The following TENM3 variants were observed in gnomAD, a reference collection of about 807,000 sequenced individuals.
TENM3 encodes teneurin-3.
Under a neutral mutation model 255.1 loss-of-function variants are expected in TENM3, and 63 were observed. The observed-to-expected ratio is 0.25, with a 90% CI of 0.20 to 0.30. The LOEUF (loss-of-function observed/expected upper bound fraction) is 0.30. Among genes scored for constraint, TENM3 ranks in the 10% least tolerant of loss-of-function variants. The pLI, the probability that TENM3 is intolerant of heterozygous loss-of-function variation, is 1.00. For missense variants in TENM3, 2,929 were observed against 3,461.1 expected, an observed-to-expected ratio of 0.85 and a Z score of 3.86; for synonymous variants, 1,306 against 1,322.3, an observed-to-expected ratio of 0.99 and a Z score of 0.27.
chr4:181,742,559 A>G, the TENM3 span, among the ~76,000 whole-genome samples: 31 of 152,320 alleles, frequency 2.0e-4, no homozygotes, highest in African/African-American at 7.0e-4. Flanking sequence ...TATGGACAGA[A>G]TAAATAAGAA....
At chr4:181,624,130 C>T in the TENM3 span, among the ~76,000 whole-genome samples, 3 of 152,086 alleles carry the variant, frequency 2.0e-5, no homozygotes, top group Non-Finnish European at 4.4e-5. Flanking sequence ...CATCTGTATC[C>T]CACAAGATGG....
At chr4:182,278,783 A>C (rs568809599) in intron 1 of TENM3, among the ~76,000 whole-genome samples, 1 of 152,312 alleles carries the variant, frequency 6.6e-6, no homozygotes, top group South Asian at 2.1e-4. Context: ...ATAGAGATGA[A>C]AATTGGTGGA....
intron 3 of TENM3, among the ~76,000 whole-genome samples, chr4:182,595,985 C>G (rs912790255): frequency 6.6e-6 from 1 of 151,572 alleles, no homozygotes; most frequent in Non-Finnish European, 1.5e-5. Flanking sequence ...AAGAAATATT[C>G]CTAAACTCCA....
At chr4:181,962,549 G>T in the TENM3 span, among the ~76,000 whole-genome samples, 16 of 152,348 alleles carry the variant, frequency 1.1e-4, no homozygotes, top group East Asian at 3.1e-3. Context: ...GATGAAACAG[G>T]TTGTTTTGGT....
At chr4:182,252,139 C>T (rs972036209) in intron 1 of TENM3, among the ~76,000 whole-genome samples, 6 of 151,632 alleles carry the variant, frequency 4.0e-5, no homozygotes, top group Non-Finnish European at 8.8e-5. Context: ...GTCAAGATTA[C>T]GCCACTGCAC....
At chr4:182,692,278 G>A (rs17073855) in intron 12 of TENM3, among the ~76,000 whole-genome samples, 21,845 of 152,172 alleles carry the variant, frequency 0.14, 1,711 homozygotes, top group Middle Eastern at 0.22. Context: ...TGAACAGATG[G>A]TTATAGGCAG....
chr4:182,303,072 T>C (rs17073029), intron 1 of TENM3, among the ~76,000 whole-genome samples: 3,448 of 152,220 alleles, frequency 0.023, 70 homozygotes, highest in Admixed American at 0.066. Flanking sequence ...GGGTGATTAG[T>C]TATGGGAATT....
At chr4:182,011,253 C>A in the TENM3 span, among the ~76,000 whole-genome samples, 1 of 152,226 alleles carries the variant, frequency 6.6e-6, no homozygotes, top group African/African-American at 2.4e-5. Context: ...GATGCCCCTC[C>A]AATTTTCCCT....
rs116296011 is a variant in TENM3, at chr4:182,689,858, A to G, written c.2221+1507A>G. Among the ~76,000 whole-genome samples the G allele has an allele frequency of 7.7e-3, 1,177 of 152,294 alleles. 16 individuals are homozygous for G. Among genetic ancestry groups the G allele is most frequent in the African/African-American group, 0.026 (1,081 of 41,558 alleles). On this transcript the variant is annotated intron_variant, in intron 12 of 27. Coordinates refer to ENST00000511685, the MANE Select transcript of TENM3 (RefSeq NM_001080477.4). ...TAAAACATGATGAGTTTTTCCTGCA[A>G]TTTTTTAGCTCATCAGCTATTGTTA...
intron 3 of TENM3, among the ~76,000 whole-genome samples, chr4:182,460,063 C>A (rs779557293): frequency 3.3e-5 from 5 of 152,038 alleles, no homozygotes; most frequent in Non-Finnish European, 5.9e-5. Context: ...TAAATTCTAA[C>A]GAGGTACCTT....
At chr4:182,256,552 A>G (rs929820921) in intron 1 of TENM3, among the ~76,000 whole-genome samples, 2 of 152,202 alleles carry the variant, frequency 1.3e-5, no homozygotes, top group Non-Finnish European at 2.9e-5. Context: ...AAATATGTGT[A>G]TATAGTCCGT....
At chr4:182,357,189 T>G (rs928231892) in intron 3 of TENM3, among the ~76,000 whole-genome samples, 1 of 152,190 alleles carries the variant, frequency 6.6e-6, no homozygotes, top group Admixed American at 6.5e-5. Context: ...CGTGTGCATG[T>G]GTCTTTATAG....
chr4:181,685,089 G>C, the TENM3 span, among the ~76,000 whole-genome samples: 1 of 151,768 alleles, frequency 6.6e-6, no homozygotes, highest in Non-Finnish European at 1.5e-5. Flanking sequence ...GTTTTGTTTT[G>C]TTTGTTTGTT....
At chr4:182,335,338 A>G (rs963520847) in intron 2 of TENM3, among the ~76,000 whole-genome samples, 2 of 131,672 alleles carry the variant, frequency 1.5e-5, no homozygotes, top group African/African-American at 2.8e-5. Flanking sequence ...TACTAAAAAT[A>G]CAAAAAATTA....
the TENM3 span, among the ~76,000 whole-genome samples, chr4:181,493,200 G>A: frequency 6.6e-6 from 1 of 151,576 alleles, no homozygotes; most frequent in African/African-American, 2.4e-5. Context: ...GGAGGCTAAG[G>A]CAGGTGGATC....
the TENM3 span, among the ~76,000 whole-genome samples, chr4:181,726,254 T>A: frequency 1.3e-5 from 2 of 152,102 alleles, no homozygotes; most frequent in African/African-American, 4.8e-5. Context: ...CTAAATGAGG[T>A]CCCTGGGGAG....
At chr4:182,718,626 C>T (rs1759402540) in intron 13 of TENM3, among the ~76,000 whole-genome samples, 1 of 152,200 alleles carries the variant, frequency 6.6e-6, no homozygotes, top group South Asian at 2.1e-4. Context: ...TGCTCATGGA[C>T]TGTCACTTTC....
chr4:182,429,138 C>T (rs1040553486), intron 3 of TENM3, among the ~76,000 whole-genome samples: 1 of 152,078 alleles, frequency 6.6e-6, no homozygotes, highest in Non-Finnish European at 1.5e-5. Flanking sequence ...GGAGACTTAC[C>T]TTTTTGTCTC....
At chr4:182,103,377 ATAAT>A in the TENM3 span, among the ~76,000 whole-genome samples, 1 of 152,406 alleles carries the variant, frequency 6.6e-6, no homozygotes, top group South Asian at 2.1e-4. Context: ...TAAGATCTTA[ATAAT>A]TAAGTTCAGA....
Sources: allele counts gnomAD v4.1 joint callset (sites outside exome capture counted in the v4.1 genomes callset), GRCh38; gene constraint gnomAD v4.1.1; transcripts MANE v1.5; gene names NCBI Gene and HGNC (gene_info 2026-07-23, HGNC 2026-07-21).